Variants in FAM107B observed in about 807,000 individuals in gnomAD.
The protein encoded by FAM107B is family with sequence similarity 107 member B.
FAM107B carries 21 observed loss-of-function variants against 31.5 expected under a neutral mutation model. That is an observed-to-expected ratio of 0.67 (90% CI 0.47 to 0.96). The LOEUF is 0.96. Ranked by LOEUF, FAM107B falls within the 40% of genes least tolerant of loss-of-function variation. The probability of loss-of-function intolerance (pLI) is 0.00; values close to 1 mark genes in which losing one functional copy is unlikely to be tolerated. For missense variants in FAM107B, 452 were observed against 377.1 expected, an observed-to-expected ratio of 1.20 and a Z score of -1.64; for synonymous variants, 157 against 141.5, an observed-to-expected ratio of 1.11 and a Z score of -0.78.
chr10:14,558,235 G>GCA (rs534784583), intron 2 of FAM107B, among the ~76,000 whole-genome samples: 150 of 151,988 alleles, frequency 9.9e-4, no homozygotes, highest in African/African-American at 3.5e-3. Context: ...ATGTGCATGC[G>GCA]CACACTCACA....
chr10:14,762,751 GTC>G (rs34771030), intron 1 of FAM107B, among the ~76,000 whole-genome samples: 5,631 of 85,092 alleles, frequency 0.066, 174 homozygotes, highest in Middle Eastern at 0.16. Flanking sequence ...GTGAAACTCT[GTC>G]TCACACACAC....
intron 2 of FAM107B, among the ~76,000 whole-genome samples, chr10:14,661,334 A>T (rs908060092): frequency 6.6e-6 from 1 of 152,244 alleles, no homozygotes; most frequent in Non-Finnish European, 1.5e-5. Context: ...TGTCCAAGAC[A>T]GTGTGTCCAG....
At chr10:14,547,057 C>A (rs1045373906) in intron 2 of FAM107B, among the ~76,000 whole-genome samples, 7 of 152,204 alleles carry the variant, frequency 4.6e-5, no homozygotes, top group African/African-American at 1.7e-4. Flanking sequence ...GATCTGGTCC[C>A]ATTTCCCTAA....
intron 2 of FAM107B, among the ~76,000 whole-genome samples, chr10:14,631,630 G>A (rs1010777191): frequency 3.3e-5 from 5 of 152,148 alleles, no homozygotes; most frequent in Non-Finnish European, 7.4e-5. Context: ...ACTTCCAGGG[G>A]AAAAGTGAGC....
At chr10:14,618,690 A>T (rs1852915628) in intron 2 of FAM107B, among the ~76,000 whole-genome samples, 1 of 152,166 alleles carries the variant, frequency 6.6e-6, no homozygotes, top group African/African-American at 2.4e-5. Context: ...TACAAACATT[A>T]GCCAGGCATG....
intron 1 of FAM107B, among the ~76,000 whole-genome samples, chr10:14,747,692 G>C (rs540700695): frequency 8.5e-5 from 13 of 152,180 alleles, no homozygotes; most frequent in African/African-American, 3.1e-4. Flanking sequence ...CTCTGTCTCA[G>C]AGAGGCACCA....
At chr10:14,686,545 G>C (rs1180150113) in intron 1 of FAM107B, among the ~76,000 whole-genome samples, 1 of 152,192 alleles carries the variant, frequency 6.6e-6, no homozygotes, top group Admixed American at 6.5e-5. Context: ...GCCCTAGGCA[G>C]TAACACTCAA....
intron 3 of FAM107B, among the ~76,000 whole-genome samples, chr10:14,528,902 T>G (rs1846629138): frequency 6.6e-6 from 1 of 152,222 alleles, no homozygotes; most frequent in Non-Finnish European, 1.5e-5. Context: ...ACTCTGACCT[T>G]TATTCTGACT....
intron 2 of FAM107B, among the ~76,000 whole-genome samples, chr10:14,662,140 T>C (rs1166109686): frequency 6.6e-6 from 1 of 152,174 alleles, no homozygotes; most frequent in Non-Finnish European, 1.5e-5. Flanking sequence ...TATTTTTGCA[T>C]TGAATATTAT....
chr10:14,638,103 C>T (rs1405406125), intron 2 of FAM107B, among the ~76,000 whole-genome samples: 2 of 152,164 alleles, frequency 1.3e-5, no homozygotes, highest in African/African-American at 4.8e-5. Flanking sequence ...AGATGGTCAC[C>T]AAACCCAAGG....
chr10:14,758,781 C>T (rs1444368393), intron 1 of FAM107B, among the ~76,000 whole-genome samples: 5 of 147,398 alleles, frequency 3.4e-5, no homozygotes, highest in African/African-American at 1.0e-4. Flanking sequence ...GAGGCTGAGG[C>T]GAGAGGATCA....
At chr10:14,582,841 T>C (rs1229544450) in intron 2 of FAM107B, among the ~76,000 whole-genome samples, 2 of 151,842 alleles carry the variant, frequency 1.3e-5, no homozygotes, top group Non-Finnish European at 2.9e-5. Flanking sequence ...ATCCCAGCAC[T>C]TTGGGAGGCC....
chr10:14,773,320 C>T (rs1374434287), intron 1 of FAM107B, among the ~76,000 whole-genome samples: 1 of 152,154 alleles, frequency 6.6e-6, no homozygotes, highest in Non-Finnish European at 1.5e-5. Flanking sequence ...TTCTGTGAAG[C>T]AAGCCAGACC....
intron 1 of FAM107B, among the ~76,000 whole-genome samples, chr10:14,767,075 G>T (rs1269391339): frequency 8.4e-5 from 7 of 83,386 alleles, no homozygotes; most frequent in African/African-American, 9.0e-5. Context: ...GAGAGAGAGA[G>T]AGAGAGAGAG....
intron 2 of FAM107B, among the ~76,000 whole-genome samples, chr10:14,567,267 AT>A (rs1176126042): frequency 6.6e-6 from 1 of 152,202 alleles, no homozygotes; most frequent in African/African-American, 2.4e-5. Flanking sequence ...AAACAGAAAA[AT>A]GAGAAAAGTA....
At chr10:14,663,872 A>T (rs972887563) in intron 2 of FAM107B, among the ~76,000 whole-genome samples, 2 of 121,904 alleles carry the variant, frequency 1.6e-5, no homozygotes. Context: ...GATGCCCAAG[A>T]ATTAGATCAT....
At chr10:14,616,554 C>T (rs371332056) in intron 2 of FAM107B, among the ~76,000 whole-genome samples, 1 of 152,170 alleles carries the variant, frequency 6.6e-6, no homozygotes, top group African/African-American at 2.4e-5. Context: ...AATTTTGTGG[C>T]AGACTTTCTT....
chr10:14,771,557 T>TTATACATG (rs144199764), intron 1 of FAM107B, among the ~76,000 whole-genome samples: 19,192 of 150,904 alleles, frequency 0.13, 2,935 homozygotes, highest in African/African-American at 0.37. Context: ...AATTACACAT[T>TTATACATG]TATACATGTA....
At chr10:14,707,377 A>G (rs995621796) in intron 1 of FAM107B, among the ~76,000 whole-genome samples, 6 of 145,354 alleles carry the variant, frequency 4.1e-5, no homozygotes, top group Admixed American at 1.4e-4. Flanking sequence ...AAAGACACAC[A>G]AAGAGGGACT....
Sources: allele counts gnomAD v4.1 joint callset (sites outside exome capture counted in the v4.1 genomes callset), GRCh38; gene constraint gnomAD v4.1.1; transcripts MANE v1.5; gene names NCBI Gene and HGNC (gene_info 2026-07-23, HGNC 2026-07-21).